The following CD200R1 variants were observed in gnomAD, a reference collection of about 807,000 sequenced individuals.
The protein encoded by CD200R1 is CD200 receptor 1, also known as cell surface glycoprotein CD200 receptor 1.
In CD200R1, 30 loss-of-function variants were observed where a neutral mutation model predicts 38.1. That is an observed-to-expected ratio of 0.79 (90% CI 0.59 to 1.07). The LOEUF (loss-of-function observed/expected upper bound fraction) is 1.07, where lower values mean the gene tolerates loss of function less well. Ranked by LOEUF, CD200R1 falls within the 50% of genes least tolerant of loss-of-function variation. CD200R1 has a pLI of 0.00. For missense variants in CD200R1, 372 were observed against 415.4 expected (o/e 0.90, Z 0.91); for synonymous variants, 128 against 152.1 (o/e 0.84, Z 1.16).
chr3:112,925,468 G>A (rs1032357595), intron 5 of CD200R1, among the ~76,000 whole-genome samples: 3 of 152,102 alleles, frequency 2.0e-5, no homozygotes, highest in African/African-American at 7.2e-5. Flanking sequence ...AAAGAGCAAG[G>A]AGGATTGTGT....
In CD200R1 at chr3:112,949,013, T is replaced by G. The variant is rs1940922201; in HGVS notation, c.68-1089A>C. Reference sequence around the variant, plus strand: ...CAGGAGTAAGAGATTAGGCATGCTTTCCTATAATAAGTAATTTTTTAGCTG... The same window carrying G: ...CAGGAGTAAGAGATTAGGCATGCTTGCCTATAATAAGTAATTTTTTAGCTG... On this transcript the variant is annotated intron_variant, in intron 1 of 7. Transcript: ENST00000308611. Among the ~76,000 whole-genome samples, 5 of 152,336 alleles carry G rather than the reference T, an allele frequency of 3.3e-5. No homozygotes were observed. The South Asian group carries it at 1.0e-3, about 32-fold the overall frequency.
At position 112,947,917 on chromosome 3, in the gene CD200R1, C is replaced by A; in HGVS notation, c.75G>T (p.Glu25Asp). 6.2e-7 allele frequency: 1 copy of A among 1,610,960 alleles called. No individual in the cohort carries two copies. The part of the protein sequence containing the change: ...ILTIFLVAEA[E>D]GAAQPNNSLM... ...ATGAGTTGTTTGGTTGAGCAGCACC[C>A]TCCGCTTCTGAATTTTGAAAAAGAC... is the stretch of plus-strand genomic sequence containing the variant. Residue 25 changes from glutamate (E) to aspartate (D), a missense_variant, in exon 2 of 8, where the codon GAG (glutamate) becomes GAT (aspartate). Physicochemically the swap from Glu to Asp is conservative, Grantham distance 45. Transcript: ENST00000308611.
chr3:112,947,857 T>C lies in CD200R1; in HGVS notation c.135A>G (p.Leu45=), dbSNP rs765812907. The C allele has an allele frequency of 1.2e-6, 2 of 1,603,430 alleles. No individual in the cohort carries two copies. The highest frequency in any genetic ancestry group is 8.5e-7 in the Non-Finnish European group (1 of 1,170,236). ...TTATTGTTAAAAGATGCACATTACC[T>C]AAAGCATGATTCTCCTTGCTAGTTT... ...MLQTSKENHA[L]ASSSLCMDEK... is the part of the protein sequence containing the mutation. Residue 45 remains leucine, a splice_region_variant and synonymous_variant, in exon 2 of 8, where the codon TTA becomes TTG. Coordinates refer to ENST00000308611, the MANE Select transcript of CD200R1 (RefSeq NM_138806.4).
At chr3:112,933,254 C>A (rs942084476) in intron 2 of CD200R1, among the ~76,000 whole-genome samples, 9 of 152,172 alleles carry the variant, frequency 5.9e-5, no homozygotes, top group Non-Finnish European at 1.3e-4. Flanking sequence ...CTGAGGATAG[C>A]CAAACAACCA....
At chr3:112,971,270 A>T (rs1177654812) in intron 1 of CD200R1, among the ~76,000 whole-genome samples, 1 of 152,186 alleles carries the variant, frequency 6.6e-6, no homozygotes, top group Non-Finnish European at 1.5e-5. Flanking sequence ...TATTATATTG[A>T]ATTATTTAGG....
chr3:112,952,178 A>G (rs13072467), intron 1 of CD200R1, among the ~76,000 whole-genome samples: 4,101 of 152,282 alleles, frequency 0.027, 86 homozygotes, highest in East Asian at 0.071. Context: ...CCAGAAATAG[A>G]CACACATATA....
At chr3:112,964,578 C>T (rs1933109638) in intron 1 of CD200R1, among the ~76,000 whole-genome samples, 1 of 152,334 alleles carries the variant, frequency 6.6e-6, no homozygotes, top group African/African-American at 2.4e-5. Flanking sequence ...TTTGGAATGA[C>T]TGTATTTCAC....
chr3:112,944,214 C>G (rs563453402), intron 2 of CD200R1, among the ~76,000 whole-genome samples: 103 of 151,996 alleles, frequency 6.8e-4, no homozygotes, highest in African/African-American at 2.4e-3. Flanking sequence ...ACCAATATCT[C>G]TCATAAACAT....
intron 1 of CD200R1, among the ~76,000 whole-genome samples, chr3:112,973,945 G>A (rs943718040): frequency 6.6e-6 from 1 of 152,040 alleles, no homozygotes; most frequent in Non-Finnish European, 1.5e-5. Flanking sequence ...TCTCTAACTC[G>A]TAGTGTCTCT....
intron 1 of CD200R1, among the ~76,000 whole-genome samples, chr3:112,968,301 ACAATATAACCACTAAGT>A (rs1360828613): frequency 6.6e-6 from 1 of 152,244 alleles, no homozygotes. Context: ...AACATCCAAG[ACAATATAACCACTAAGT>A]CAATATTAGT....
At chr3:112,930,493 A>G (rs572509543) in intron 3 of CD200R1, among the ~76,000 whole-genome samples, 1 of 152,340 alleles carries the variant, frequency 6.6e-6, no homozygotes, top group African/African-American at 2.4e-5. Flanking sequence ...TAAGCCCTGC[A>G]TCCTACAAGC....
intron 2 of CD200R1, among the ~76,000 whole-genome samples, chr3:112,932,605 T>TG (rs970969382): frequency 4.0e-5 from 6 of 151,600 alleles, no homozygotes; most frequent in African/African-American, 1.5e-4. Context: ...CTGTGAGCCC[T>TG]CCATGTGGCA....
At chr3:112,942,046 G>T (rs1940739849) in intron 2 of CD200R1, among the ~76,000 whole-genome samples, 1 of 151,618 alleles carries the variant, frequency 6.6e-6, no homozygotes, top group Admixed American at 6.6e-5. Context: ...AAAATTGTGG[G>T]AATTTGTTGT....
chr3:112,941,284 C>T (rs1158595683), intron 2 of CD200R1, among the ~76,000 whole-genome samples: 1 of 151,592 alleles, frequency 6.6e-6, no homozygotes, highest in East Asian at 1.9e-4. Flanking sequence ...TACATATTTT[C>T]AAAGAGCTAG....
At chr3:112,944,043 C>T (rs1036571324) in intron 2 of CD200R1, among the ~76,000 whole-genome samples, 5 of 151,876 alleles carry the variant, frequency 3.3e-5, no homozygotes, top group African/African-American at 1.2e-4. Context: ...GATGGGTTCA[C>T]TGATAAATTC....
At chr3:112,948,042 A>G (rs1940902824) in intron 1 of CD200R1, 118 bp from the exon 2 acceptor site, 1 of 703,044 alleles carries the variant, frequency 1.4e-6, no homozygotes, top group Non-Finnish European at 2.5e-6. Flanking sequence ...GCAGTTGCCA[A>G]TGAATATCTA....
intron 2 of CD200R1, among the ~76,000 whole-genome samples, chr3:112,934,104 G>A (rs1200214190): frequency 6.6e-6 from 1 of 152,046 alleles, no homozygotes. Context: ...TTTTGGGAGA[G>A]AGAGAGAGAT....
At position 112,952,056 on chromosome 3, in the gene CD200R1, A is replaced by G. The variant is rs959776391; in HGVS notation, c.68-4132T>C. On this transcript the variant is annotated intron_variant, in intron 1 of 7. Coordinates refer to ENST00000308611, the MANE Select transcript of CD200R1 (RefSeq NM_138806.4). ...TTAAAAAGAATAACAAAAAAAAAAA[A>G]AGAGAGAAAAATTTACTTAAGTTTA... is the stretch of plus-strand genomic sequence containing the variant. Among the ~76,000 whole-genome samples, 10 of 151,690 alleles carry G rather than the reference A, an allele frequency of 6.6e-5. No homozygotes were observed. In the East Asian group the frequency reaches 1.3e-3, roughly 20 times the overall value.
chr3:112,938,967 T>C (rs1224262203), intron 2 of CD200R1, among the ~76,000 whole-genome samples: 1 of 152,030 alleles, frequency 6.6e-6, no homozygotes, highest in Non-Finnish European at 1.5e-5. Context: ...GTTCAACATA[T>C]GCAAATCGAT....
Sources: gnomAD v4.1 joint callset for allele counts (sites outside exome capture counted in the v4.1 genomes callset) on GRCh38, gnomAD v4.1.1 for gene constraint, MANE v1.5 for transcripts, NCBI Gene and HGNC (gene_info 2026-07-23, HGNC 2026-07-21) for gene names.